DCC: variants seen among roughly 807,000 people sequenced by gnomAD.
DCC encodes the protein DCC netrin 1 receptor.
In DCC, 58 loss-of-function variants were observed where a neutral mutation model predicts 172.5. That is an observed-to-expected ratio of 0.34 (90% CI 0.27 to 0.42). The LOEUF (loss-of-function observed/expected upper bound fraction) is 0.42, where lower values mean the gene tolerates loss of function less well. Ranked by LOEUF, DCC falls within the 10% of genes least tolerant of loss-of-function variation. The probability of loss-of-function intolerance (pLI) is 1.00; values close to 1 mark genes in which losing one functional copy is unlikely to be tolerated. For missense variants in DCC, 1,740 were observed against 1,791.0 expected, an observed-to-expected ratio of 0.97 and a Z score of 0.51; for synonymous variants, 709 against 644.5, an observed-to-expected ratio of 1.10 and a Z score of -1.52.
chr18:52,478,868 G>A (rs1245434554), intron 1 of DCC, among the ~76,000 whole-genome samples: 1 of 152,102 alleles, frequency 6.6e-6, no homozygotes, highest in Non-Finnish European at 1.5e-5. Flanking sequence ...CTCCAACATT[G>A]GGGATTACCA....
chr18:53,361,567 A>G (rs1336350524), intron 15 of DCC, among the ~76,000 whole-genome samples: 3 of 152,188 alleles, frequency 2.0e-5, no homozygotes, highest in East Asian at 3.8e-4. Flanking sequence ...TTTTTAGTCA[A>G]AGGGAATATT....
At chr18:53,252,284 A>G (rs1407103847) in intron 12 of DCC, among the ~76,000 whole-genome samples, 2 of 151,848 alleles carry the variant, frequency 1.3e-5, no homozygotes, top group East Asian at 1.9e-4. Flanking sequence ...ACGATCTACA[A>G]TACAGAGACA....
intron 1 of DCC, among the ~76,000 whole-genome samples, chr18:52,454,591 A>C (rs1353297354): frequency 6.6e-6 from 1 of 152,172 alleles, no homozygotes; most frequent in East Asian, 1.9e-4. Context: ...TTACGGTATT[A>C]ACATAAAATA....
chr18:52,381,208 G>T (rs1985570335), intron 1 of DCC, among the ~76,000 whole-genome samples: 1 of 152,072 alleles, frequency 6.6e-6, no homozygotes, highest in Admixed American at 6.5e-5. Context: ...ATTATAAACT[G>T]ATTTTTGAAG....
chr18:52,671,713 T>C (rs2035556874), intron 1 of DCC, among the ~76,000 whole-genome samples: 1 of 151,800 alleles, frequency 6.6e-6, no homozygotes, highest in Non-Finnish European at 1.5e-5. Flanking sequence ...CTAATTTTTG[T>C]ATTTTTAGTA....
At chr18:52,535,468 A>G (rs1378877984) in intron 1 of DCC, among the ~76,000 whole-genome samples, 1 of 152,182 alleles carries the variant, frequency 6.6e-6, no homozygotes, top group Non-Finnish European at 1.5e-5. Flanking sequence ...GCACTGGCTA[A>G]ATCTTTGTAG....
chr18:52,879,120 C>A (rs937130536), intron 2 of DCC, among the ~76,000 whole-genome samples: 1 of 152,144 alleles, frequency 6.6e-6, no homozygotes, highest in South Asian at 2.1e-4. Flanking sequence ...TACTATATTA[C>A]TTGTTACTGG....
intron 7 of DCC, among the ~76,000 whole-genome samples, chr18:53,110,778 G>C (rs971224872): frequency 7.7e-6 from 1 of 129,414 alleles, no homozygotes; most frequent in African/African-American, 3.0e-5. Context: ...TGGAGAAATA[G>C]GAACACTTTT....
intron 1 of DCC, among the ~76,000 whole-genome samples, chr18:52,478,759 A>C (rs1989168841): frequency 6.6e-6 from 1 of 152,132 alleles, no homozygotes; most frequent in Admixed American, 6.5e-5. Context: ...ATGTCAAGAA[A>C]ATTCACTCAT....
At chr18:53,351,128 T>G (rs559166305) in intron 15 of DCC, among the ~76,000 whole-genome samples, 1 of 150,566 alleles carries the variant, frequency 6.6e-6, no homozygotes, top group Admixed American at 6.7e-5. Context: ...CTATTCTATT[T>G]GTAACTGTTT....
chr18:53,512,983 A>T (rs554136479), intron 27 of DCC, among the ~76,000 whole-genome samples: 1 of 152,156 alleles, frequency 6.6e-6, no homozygotes. Flanking sequence ...ACTCCTCGAG[A>T]AGAGCAACTC....
intron 1 of DCC, among the ~76,000 whole-genome samples, chr18:52,466,418 G>A (rs1236525090): frequency 6.6e-6 from 1 of 152,070 alleles, no homozygotes; most frequent in African/African-American, 2.4e-5. Flanking sequence ...AAAACATTTA[G>A]CCTTATAGGG....
At chr18:52,684,932 T>C (rs2035805612) in intron 1 of DCC, among the ~76,000 whole-genome samples, 1 of 152,160 alleles carries the variant, frequency 6.6e-6, no homozygotes, top group South Asian at 2.1e-4. Context: ...CCAGTGGTTA[T>C]CATTCAGGAT....
intron 3 of DCC, among the ~76,000 whole-genome samples, chr18:52,909,826 T>C (rs551643505): frequency 3.3e-5 from 5 of 152,102 alleles, no homozygotes; most frequent in African/African-American, 7.2e-5. Context: ...ATGGGAGAAA[T>C]AGACAAAGCA....
At chr18:53,294,733 T>C (rs551752448) in intron 12 of DCC, among the ~76,000 whole-genome samples, 4 of 152,308 alleles carry the variant, frequency 2.6e-5, no homozygotes, top group Non-Finnish European at 5.9e-5. Flanking sequence ...GTAGATGATT[T>C]GATTTGAAGT....
At chr18:53,430,928 G>A (rs1460115241) in intron 21 of DCC, among the ~76,000 whole-genome samples, 1 of 152,022 alleles carries the variant, frequency 6.6e-6, no homozygotes, top group Non-Finnish European at 1.5e-5. Flanking sequence ...CATATGGTAT[G>A]TGCCAAAAAG....
At chr18:52,626,267 TA>T (rs1236560694) in intron 1 of DCC, among the ~76,000 whole-genome samples, 1 of 152,150 alleles carries the variant, frequency 6.6e-6, no homozygotes, top group East Asian at 1.9e-4. Flanking sequence ...TGGAAAACCA[TA>T]AAAAACTTTT....
intron 1 of DCC, among the ~76,000 whole-genome samples, chr18:52,609,870 T>C (rs79696745): frequency 6.6e-6 from 1 of 151,886 alleles, no homozygotes; most frequent in Non-Finnish European, 1.5e-5. Flanking sequence ...GCTAAGTTCA[T>C]GGTATGTTGA....
intron 1 of DCC, among the ~76,000 whole-genome samples, chr18:52,449,507 T>C (rs1988233331): frequency 6.6e-6 from 1 of 152,218 alleles, no homozygotes; most frequent in South Asian, 2.1e-4. Context: ...TAAATTCAGG[T>C]AGAAGTGATA....
Sources: allele counts gnomAD v4.1 joint callset (sites outside exome capture counted in the v4.1 genomes callset), GRCh38; gene constraint gnomAD v4.1.1; transcripts MANE v1.5; gene names NCBI Gene and HGNC (gene_info 2026-07-23, HGNC 2026-07-21).